The following NAAA variants were observed in gnomAD, a reference collection of about 807,000 sequenced individuals.
NAAA encodes N-acylethanolamine acid amidase.
Under a neutral mutation model 44.8 loss-of-function variants are expected in NAAA, and 39 were observed. The observed-to-expected ratio is 0.87, with a 90% CI of 0.67 to 1.14. The LOEUF (loss-of-function observed/expected upper bound fraction) is 1.14, where lower values mean the gene tolerates loss of function less well. NAAA is among the 50% of genes most tolerant of loss of function. NAAA has a pLI of 0.00. For missense variants in NAAA, 460 were observed against 467.8 expected (o/e 0.98, Z 0.15); for synonymous variants, 178 against 191.3 (o/e 0.93, Z 0.58).
chr4:75,921,421 AC>A (rs1217601547), intron 5 of NAAA, among the ~76,000 whole-genome samples: 2 of 152,152 alleles, frequency 1.3e-5, no homozygotes, highest in Non-Finnish European at 2.9e-5. Context: ...CTCACAAAGG[AC>A]TTTTTGTGCT....
At chr4:75,939,839 A>G in intron 2 of NAAA, 162 bp downstream of exon 2, 1 of 712,996 alleles carries the variant, frequency 1.4e-6, no homozygotes, top group Non-Finnish European at 2.3e-6. Context: ...TACGATGTGC[A>G]GCTCAGATTT....
chr4:75,940,933 C>T lies in NAAA; in HGVS notation c.17G>A (p.Arg6Gln), dbSNP rs1228005993. The T allele has an allele frequency of 2.7e-6, 4 of 1,497,276 alleles. No individual in the cohort carries two copies. Among genetic ancestry groups the T allele is most frequent in the Admixed American group, 2.1e-5 (1 of 46,582 alleles). The allele number at this position is 1,497,276 out of a possible 1,614,324, so 92.7% of individuals were successfully genotyped here. A position where few individuals can be genotyped will look rare whatever the true frequency, so the allele number is the denominator to read the frequency against. Residue 6 changes from arginine to glutamine, a missense_variant, in exon 1 of 11, where the codon CGG becomes CAG. By Grantham distance (43) the Arg-to-Gln change is conservative (BLOSUM62 1). Transcript: ENST00000286733. ...GGACGGAAGCCCCGGGCGCGCCTCC[C>T]GGTCCGCGGTCCGCATGGCTCGGGC... MRTAD[R>Q]EARPGLPSLL...
In NAAA at chr4:75,920,965, A is replaced by G; in HGVS notation, c.825T>C (p.Asp275=). 1 of 1,613,490 alleles carries G rather than the reference A, an allele frequency of 6.2e-7. No individual in the cohort carries two copies. The highest frequency in any genetic ancestry group is 1.1e-5 in the South Asian group (1 of 90,946). The change falls in exon 6 of 11, where the codon GAT becomes GAC. Residue 275 remains aspartate (D), a synonymous_variant. Coordinates refer to ENST00000286733, the MANE Select transcript of NAAA (RefSeq NM_014435.4). ...RDGPADIWPL[D]PLNGAWFRVE... ...ATTCTACTTACGCTCCATTCAAAGG[A>G]TCTAGAGGCCAAATGTCTGCTGGGC...
downstream of NAAA, among the ~76,000 whole-genome samples, chr4:75,912,686 A>G (rs1004436997): frequency 6.6e-5 from 10 of 152,130 alleles, no homozygotes; most frequent in Admixed American, 3.3e-4. Flanking sequence ...AGACACAAGA[A>G]TCGCTTGAAC....
chr4:75,939,954 G>A, intron 2 of NAAA, 47 bp downstream of exon 2: 1 of 1,605,250 alleles, frequency 6.2e-7, no homozygotes, highest in Non-Finnish European at 8.5e-7. Flanking sequence ...CTGTGTCGGG[G>A]GCCCCCGCAA....
downstream of NAAA, among the ~76,000 whole-genome samples, chr4:75,912,254 T>C (rs1482222233): frequency 6.6e-6 from 1 of 152,090 alleles, no homozygotes; most frequent in Non-Finnish European, 1.5e-5. Context: ...GACTAATAAG[T>C]AGAAATTTAG....
chr4:75,927,481 G>C, intron 4 of NAAA, among the ~76,000 whole-genome samples: 1 of 151,894 alleles, frequency 6.6e-6, no homozygotes, highest in African/African-American at 2.4e-5. Flanking sequence ...AAAAAAACAG[G>C]CCTTGTGCAG....
chr4:75,933,226 C>T (rs1727401867), intron 3 of NAAA, among the ~76,000 whole-genome samples: 1 of 151,294 alleles, frequency 6.6e-6, no homozygotes, highest in African/African-American at 2.4e-5. Context: ...AATAGATAGT[C>T]CTAGATTGAT....
At chr4:75,931,354 C>T in intron 3 of NAAA, 50 bp from the exon 4 acceptor site, 1 of 1,354,510 alleles carries the variant, frequency 7.4e-7, no homozygotes. Context: ...ATCAAATACA[C>T]TGAAATCACC....
rs114268546 is a variant in NAAA at position 75,925,902 on chromosome 4, G to T, written c.590-91C>A. On this transcript the variant is annotated intron_variant, in intron 4 of 10. Coordinates refer to ENST00000286733, the MANE Select transcript of NAAA (RefSeq NM_014435.4). ...TTATTTTAGCAAGGAAATATAGAGA[G>T]ATATTCACTCAAGTTTTGAAAGCAG... 1.3e-4 allele frequency: 156 copies of T among 1,227,022 alleles called. 1 individual carries two copies. The African/African-American group carries it at 2.2e-3, about 17-fold the overall frequency. The allele number at this position is 1,227,022 out of a possible 1,614,324, so 76.0% of individuals were successfully genotyped here. A position where few individuals can be genotyped will look rare whatever the true frequency, so the allele number is the denominator to read the frequency against.
intron 4 of NAAA, among the ~76,000 whole-genome samples, chr4:75,927,879 C>T (rs1300069010): frequency 6.6e-6 from 1 of 152,002 alleles, no homozygotes; most frequent in Non-Finnish European, 1.5e-5. Flanking sequence ...AAAGATACTC[C>T]ATATCATTAA....
At chr4:75,930,043 C>T (rs1316869243) in intron 4 of NAAA, among the ~76,000 whole-genome samples, 3 of 152,010 alleles carry the variant, frequency 2.0e-5, no homozygotes, top group African/African-American at 2.4e-5. Context: ...AAGCTGAGAT[C>T]GCCCACTGCA....
In NAAA at chr4:75,940,163, TCCCTAGAAACAAAAAGCACAA is replaced by T. The variant is rs1560524350; in HGVS notation, c.207-19_208del. 5.9e-5 allele frequency: 95 copies of T among 1,612,552 alleles called. No individual in the cohort carries two copies. The highest frequency in any genetic ancestry group is 7.8e-5 in the Non-Finnish European group (92 of 1,179,100). ...CACGTGCACCCACTTGGGGACTCTG[TCCCTAGAAACAAAAAGCACAA>T]GGGCGTCTGACCCGCTCAGAGGTCG... is the stretch of plus-strand genomic sequence containing the variant. On this transcript the variant is annotated splice_acceptor_variant and splice_polypyrimidine_tract_variant and coding_sequence_variant and intron_variant, in exon 2 of 11. Coordinates refer to ENST00000286733, the MANE Select transcript of NAAA (RefSeq NM_014435.4). LOFTEE classifies it high-confidence loss of function.
At position 75,940,888 on chromosome 4, in the gene NAAA, G is replaced by T. The variant is rs988582665; in HGVS notation, c.62C>A (p.Ala21Asp). The stretch of plus-strand genomic sequence containing the variant: ...CGAGGCGGCTGACAGCCCGGCCCCG[G>T]CCAGCAGCAGCAGCAGCAGGGACGG... ...GLPSLLLLLLAGAGLSAASPP... is the reference protein window; with the variant it reads ...GLPSLLLLLLDGAGLSAASPP... Residue 21 changes from alanine to aspartate, a missense_variant, in exon 1 of 11, where the codon GCC becomes GAC. Physicochemically the swap from Ala to Asp is moderately radical, Grantham distance 126 (BLOSUM62 -2). Coordinates refer to ENST00000286733, the MANE Select transcript of NAAA (RefSeq NM_014435.4). 3.2e-6 allele frequency: 5 copies of T among 1,551,664 alleles called. No homozygotes were observed. Among genetic ancestry groups the T allele is most frequent in the Non-Finnish European group, 4.3e-6 (5 of 1,159,274 alleles).
chr4:75,923,646 T>C (rs1246877862), intron 5 of NAAA, among the ~76,000 whole-genome samples: 5 of 150,554 alleles, frequency 3.3e-5, no homozygotes, highest in Admixed American at 1.3e-4. Flanking sequence ...TTCAAGTGAT[T>C]CTCCTGCCTC....
At chr4:75,918,722 G>C (rs370127911) in intron 9 of NAAA, 39 bp downstream of exon 9, 317 of 1,602,538 alleles carry the variant, frequency 2.0e-4, no homozygotes, top group Non-Finnish European at 2.5e-4. Flanking sequence ...CACTGTTCTG[G>C]AGTGATGTGT....
At chr4:75,914,377 G>C (rs1490142436) in intron 10 of NAAA, 39 bp from the exon 11 acceptor site, 1 of 852,582 alleles carries the variant, frequency 1.2e-6, no homozygotes, top group Non-Finnish European at 1.4e-6. Flanking sequence ...TTCAAAGACT[G>C]ATTTTTTTTT....
chr4:75,919,096 C>CA (rs1379308392), intron 8 of NAAA, among the ~76,000 whole-genome samples: 1 of 151,936 alleles, frequency 6.6e-6, no homozygotes, highest in Non-Finnish European at 1.5e-5. Flanking sequence ...GGCTAGAATG[C>CA]AGTGGCATGA....
chr4:75,923,017 GTTTC>G (rs1486123677), intron 5 of NAAA, among the ~76,000 whole-genome samples: 1 of 151,826 alleles, frequency 6.6e-6, no homozygotes, highest in Non-Finnish European at 1.5e-5. Context: ...TAGACATGGA[GTTTC>G]TTTCTTCTTC....
Sources: gnomAD v4.1 joint callset for allele counts (sites outside exome capture counted in the v4.1 genomes callset) on GRCh38, gnomAD v4.1.1 for gene constraint, MANE v1.5 for transcripts, NCBI Gene and HGNC (gene_info 2026-07-23, HGNC 2026-07-21) for gene names.